SLC6A13: variants seen among roughly 807,000 people sequenced by gnomAD.
SLC6A13 encodes sodium- and chloride-dependent GABA transporter 2.
SLC6A13 carries 69 observed loss-of-function variants against 72.9 expected under a neutral mutation model. That is an observed-to-expected ratio of 0.95 (90% CI 0.78 to 1.16). SLC6A13 has a LOEUF of 1.16. Among genes scored for constraint, SLC6A13 ranks in the 50% most tolerant of loss-of-function variants. The pLI is 0.00. For synonymous variants in SLC6A13, 303 were observed against 303.0 expected (o/e 1.00, Z 0.00); for missense variants, 735 against 760.5 (o/e 0.97, Z 0.39).
chr12:238,078 G>A (rs2137287414), intron 4 of SLC6A13, 68 bp from the exon 5 acceptor site: 2 of 1,583,886 alleles, frequency 1.3e-6, no homozygotes, highest in South Asian at 2.2e-5. Flanking sequence ...CAACTGGAGA[G>A]TGGGGTGAAA....
intron 7 of SLC6A13, among the ~76,000 whole-genome samples, chr12:231,979 C>T (rs1159305731): frequency 6.6e-6 from 1 of 152,194 alleles, no homozygotes; most frequent in African/African-American, 2.4e-5. Flanking sequence ...GACCCAGTCC[C>T]AGTTGCAGAT....
Position 259,888 on chromosome 12 carries a change from G to T in SLC6A13, c.165C>A (p.Val55=), listed in dbSNP as rs775747494. ...TGTAGCAGAGATAGGGAAACCTCCAGACGTTGCCTAAGCCAATGATCTCCC... is the reference window on the plus strand; with the variant it reads ...TGTAGCAGAGATAGGGAAACCTCCATACGTTGCCTAAGCCAATGATCTCCC... ...VAGEIIGLGN[V]WRFPYLCYKN... is the part of the protein sequence containing the mutation. The change falls in exon 2 of 15, where the codon GTC becomes GTA. Residue 55 remains valine (V), a synonymous_variant. Transcript: ENST00000343164. 2.4e-5 allele frequency: 38 copies of T among 1,614,062 alleles called. No homozygotes were observed. The highest frequency in any genetic ancestry group is 3.0e-5 in the Non-Finnish European group (35 of 1,180,024).
intron 2 of SLC6A13, among the ~76,000 whole-genome samples, chr12:246,050 G>A (rs980455275): frequency 1.4e-4 from 21 of 149,594 alleles, no homozygotes; most frequent in East Asian, 1.2e-3. Flanking sequence ...CCCAGGAGGC[G>A]GAGGTTGCAG....
At chr12:238,273 G>C (rs1427329125) in intron 4 of SLC6A13, 3 of 1,457,914 alleles carry the variant, frequency 2.1e-6, no homozygotes, top group Non-Finnish European at 1.8e-6. Flanking sequence ...CAACAGGAAA[G>C]GTGCTCTTCA....
At chr12:255,695 T>C (rs1349485137) in intron 2 of SLC6A13, among the ~76,000 whole-genome samples, 1 of 152,182 alleles carries the variant, frequency 6.6e-6, no homozygotes, top group East Asian at 1.9e-4. Context: ...GACTCCATCT[T>C]GGAGGGGGCG....
chr12:250,324 C>T lies in SLC6A13; in HGVS notation c.203-6511G>A, dbSNP rs746900712. Among the ~76,000 whole-genome samples, 15 of 151,962 alleles carry T rather than the reference C, an allele frequency of 9.9e-5. No homozygotes were observed. The East Asian group carries it at 1.2e-3, about 12-fold the overall frequency. On this transcript the variant is annotated intron_variant, in intron 2 of 14. Coordinates refer to ENST00000343164, the MANE Select transcript of SLC6A13 (RefSeq NM_016615.5). ...CAAGATAAGGAATTAAAGGTTATTC[C>T]GATTTAAAAGGAAAAAATAACACTG... is the stretch of plus-strand genomic sequence containing the variant.
chr12:247,169 T>C (rs1320743028), intron 2 of SLC6A13, among the ~76,000 whole-genome samples: 2 of 150,858 alleles, frequency 1.3e-5, no homozygotes, highest in African/African-American at 4.9e-5. Flanking sequence ...ACAGAAATAA[T>C]AGCTGAAAAT....
At chr12:229,799 C>A (rs1941630527) in intron 7 of SLC6A13, among the ~76,000 whole-genome samples, 1 of 152,170 alleles carries the variant, frequency 6.6e-6, no homozygotes. Flanking sequence ...TTCAGAGGCA[C>A]AAGCCTGATA....
intron 7 of SLC6A13, 55 bp from the exon 8 acceptor site, chr12:227,723 G>C (rs1422915587): frequency 6.9e-7 from 1 of 1,459,310 alleles, no homozygotes; most frequent in African/African-American, 1.4e-5. Context: ...GGCCATTCAA[G>C]CCATGGGCGG....
chr12:224,303 A>G, intron 10 of SLC6A13, 98 bp downstream of exon 10: 2 of 1,346,188 alleles, frequency 1.5e-6, no homozygotes, highest in East Asian at 2.3e-5. Flanking sequence ...CTGTGTCCCC[A>G]AAAGGGCATC....
At chr12:248,353 G>A (rs1424848777) in intron 2 of SLC6A13, among the ~76,000 whole-genome samples, 7 of 148,566 alleles carry the variant, frequency 4.7e-5, no homozygotes, top group Admixed American at 2.7e-4. Flanking sequence ...GCAGTGAGCC[G>A]AGGTTGCACC....
At chr12:234,358 G>A (rs1159179692) in intron 7 of SLC6A13, among the ~76,000 whole-genome samples, 1 of 152,168 alleles carries the variant, frequency 6.6e-6, no homozygotes, top group African/African-American at 2.4e-5. Context: ...ACCTTTCCAG[G>A]AAACTAATGA....
At chr12:224,296 T>C (rs1941347786) in intron 10 of SLC6A13, 105 bp downstream of exon 10, 1 of 1,335,408 alleles carries the variant, frequency 7.5e-7, no homozygotes, top group African/African-American at 1.5e-5. Flanking sequence ...CAAGCTCCTG[T>C]GTCCCCAAAA....
In SLC6A13 at chr12:235,199, G is replaced by A; in HGVS notation, c.722C>T (p.Pro241Leu). 1 of 1,614,224 alleles carries A rather than the reference G, an allele frequency of 6.2e-7. No individual in the cohort carries two copies. The change falls in exon 7 of 15, where the codon CCT becomes CTT. Residue 241 changes from proline (P) to leucine (L), a missense_variant. Coordinates refer to ENST00000343164, the MANE Select transcript of SLC6A13 (RefSeq NM_016615.5). Reference protein sequence around the residue: ...GKVVYFTATFPYLMLVVLLIR... With the variant: ...GKVVYFTATFLYLMLVVLLIR... ...TAACAGGACCACCAGCATGAGGTAA[G>A]GAAATGTGGCCGTGAAGTACACCAC...
chr12:247,017 AAAAAAGAAAGAAAG>A (rs371200367), intron 2 of SLC6A13, among the ~76,000 whole-genome samples: 2,025 of 73,812 alleles, frequency 0.027, 12 homozygotes, highest in Non-Finnish European at 0.04. Flanking sequence ...CAAAAAAAAA[AAAAAAGAAAGAAAG>A]AAAAGAAAGA....
rs201412174 is a variant in SLC6A13, at chr12:221,013, G to T, written c.1744C>A (p.Pro582Thr). 3.0e-5 allele frequency: 49 copies of T among 1,612,430 alleles called. No homozygotes were observed. Among genetic ancestry groups the T allele is most frequent in the Non-Finnish European group, 4.1e-5 (48 of 1,179,782 alleles). ...GTCCTGGGGGTGGCGGGAGCCGAGGGTCCTGCTGGGTTCCGCTGGGGCAGG... is the reference window on the plus strand; with the variant it reads ...GTCCTGGGGGTGGCGGGAGCCGAGGTTCCTGCTGGGTTCCGCTGGGGCAGG... Reference protein sequence around the residue: ...EDLPQRNPAGPSAPATPRTSL... With the variant: ...EDLPQRNPAGTSAPATPRTSL... Residue 582 changes from proline to threonine, a missense_variant, in exon 15 of 15, where the codon CCC (proline) becomes ACC (threonine). Coordinates refer to ENST00000343164, the MANE Select transcript of SLC6A13 (RefSeq NM_016615.5).
chr12:243,901 C>T, intron 2 of SLC6A13, 88 bp from the exon 3 acceptor site: 2 of 1,318,948 alleles, frequency 1.5e-6, no homozygotes, highest in Non-Finnish European at 2.1e-6. Flanking sequence ...CCCATACTGC[C>T]AGTCAGAATC....
intron 10 of SLC6A13, 75 bp from the exon 11 acceptor site, chr12:224,204 C>A (rs952987627): frequency 3.2e-6 from 5 of 1,577,262 alleles, no homozygotes; most frequent in Non-Finnish European, 3.5e-6. Flanking sequence ...TGGCTTCTCG[C>A]TCCCAGGATC....
In SLC6A13 at chr12:220,923, C is replaced by T; in HGVS notation, c.*25G>A. ...ACAGCCATCCCCAAGGCCAGGCACA[C>T]AGGCACCATCCAAGGGCCTGCCCCC... On this transcript the variant is annotated 3_prime_UTR_variant, in exon 15 of 15. Coordinates refer to ENST00000343164, the MANE Select transcript of SLC6A13 (RefSeq NM_016615.5). 2 of 1,610,252 alleles carry T rather than the reference C, an allele frequency of 1.2e-6. No homozygotes were observed. The highest frequency in any genetic ancestry group is 1.7e-6 in the Non-Finnish European group (2 of 1,179,714).
Sources: allele counts gnomAD v4.1 joint callset (sites outside exome capture counted in the v4.1 genomes callset), GRCh38; gene constraint gnomAD v4.1.1; transcripts MANE v1.5; gene names NCBI Gene and HGNC (gene_info 2026-07-23, HGNC 2026-07-21).